GPR137: variants seen among roughly 807,000 people sequenced by gnomAD.
GPR137 encodes integral membrane protein GPR137.
Under a neutral mutation model 38.9 loss-of-function variants are expected in GPR137, and 20 were observed. The ratio of observed to expected loss-of-function variants is 0.51; its 90% CI spans 0.36 to 0.75. GPR137 has a LOEUF of 0.75. Ranked by LOEUF, GPR137 falls within the 30% of genes least tolerant of loss-of-function variation. The probability of loss-of-function intolerance (pLI) is 0.00; values close to 1 mark genes in which losing one functional copy is unlikely to be tolerated. For synonymous variants in GPR137, 226 were observed against 235.8 expected (o/e 0.96, Z 0.38); for missense variants, 456 against 526.4 (o/e 0.87, Z 1.31).
At position 64,278,999 on chromosome 11, in the gene GPR137, G is replaced by A. The variant is rs117645407; in HGVS notation, c.-16+2578G>A. The stretch of plus-strand genomic sequence containing the variant: ...CCTCACCTGGCAGCTGTCTTCTCCC[G>A]CAGCCCTCTTTCCTACGGGTCTGCA... On this transcript the variant is annotated intron_variant, in intron 2 of 2. Coordinates refer to the GPR137 transcript ENST00000538244. Among the ~76,000 whole-genome samples the A allele has an allele frequency of 9.0e-3, 1,372 of 152,266 alleles. 6 individuals are homozygous for A. Among genetic ancestry groups the A allele is most frequent in the Non-Finnish European group, 0.013 (896 of 68,014 alleles).
upstream of GPR137, chr11:64,275,548 T>G (rs1037426825): frequency 3.9e-5 from 6 of 152,188 alleles, no homozygotes; most frequent in African/African-American, 1.4e-4. Context: ...CTGAGGCCTC[T>G]GAGAGTCCCA....
At chr11:64,275,987 AG>A (rs536527377) in intron 1 of GPR137, among the ~76,000 whole-genome samples, 1 of 152,260 alleles carries the variant, frequency 6.6e-6, no homozygotes, top group South Asian at 2.1e-4. Context: ...TCACTGATCT[AG>A]TAGGTAGCAG....
chr11:64,285,710 C>T, upstream of GPR137: 1 of 985,346 alleles, frequency 1.0e-6, no homozygotes, highest in Non-Finnish European at 1.2e-6. Context: ...TAACCCCGGG[C>T]GCCCGCCAGC....
In GPR137 at chr11:64,286,453, C is replaced by A. The variant is rs1322928350; in HGVS notation, c.-72C>A. On this transcript the variant is annotated 5_prime_UTR_variant, in exon 1 of 7. Coordinates refer to ENST00000438980, the MANE Select transcript of GPR137 (RefSeq NM_001170880.2). ...CTGCACCCTGCAATTCCCACCCCTC[C>A]GTATTTATTTCCCTGGTCCCGCCGA... 1.9e-6 allele frequency: 3 copies of A among 1,545,634 alleles called. No homozygotes were observed. The highest frequency in any genetic ancestry group is 2.6e-6 in the Non-Finnish European group (3 of 1,145,730).
Position 64,286,770 on chromosome 11 carries a change from A to G in GPR137, c.246A>G (p.Arg82=). Reference sequence around the variant, plus strand: ...CCACCCTCTTCTCCTTCTACTTCCGAGATACTCCCCGCGCCAACCGCCTGG... The same window carrying G: ...CCACCCTCTTCTCCTTCTACTTCCGGGATACTCCCCGCGCCAACCGCCTGG... The part of the protein sequence containing the change: ...LRTTLFSFYF[R]DTPRANRLGP... Residue 82 remains arginine, a synonymous_variant, in exon 1 of 7, where the codon CGA becomes CGG. Coordinates refer to ENST00000438980, the MANE Select transcript of GPR137 (RefSeq NM_001170880.2). 1 of 1,610,934 alleles carries G rather than the reference A, an allele frequency of 6.2e-7. No homozygotes were observed. Among genetic ancestry groups the G allele is most frequent in the Non-Finnish European group, 8.5e-7 (1 of 1,178,232 alleles).
upstream of GPR137, chr11:64,284,059 T>G (rs1174541829): frequency 5.0e-6 from 6 of 1,192,994 alleles, no homozygotes; most frequent in Non-Finnish European, 5.8e-6. Flanking sequence ...AAGAGGAAAC[T>G]GGGGCTCTGA....
chr11:64,286,354 C>T lies in GPR137; in HGVS notation c.-171C>T. 1 of 1,415,534 alleles carries T rather than the reference C, an allele frequency of 7.1e-7. No individual in the cohort carries two copies. The highest frequency in any genetic ancestry group is 9.2e-7 in the Non-Finnish European group (1 of 1,091,106). The allele number at this position is 1,415,534 out of a possible 1,614,324, so 87.7% of individuals were successfully genotyped here. A position where few individuals can be genotyped will look rare whatever the true frequency, so the allele number is the denominator to read the frequency against. On this transcript the variant is annotated 5_prime_UTR_variant, in exon 1 of 7. An upstream open reading frame in the 5' UTR gains an earlier in-frame stop. Transcript: ENST00000438980. ...CCAGGCTGCCTGTGTTCCCCAAGGG[C>T]AAGGGTCTCTCTGTTGAGGAGGAGG...
At chr11:64,271,296 TCA>T (rs1176064923), upstream of GPR137, among the ~76,000 whole-genome samples, 5 of 2,268 alleles carry the variant, frequency 2.2e-3, 1 homozygote, top group African/African-American at 8.1e-3. Flanking sequence ...CCTGTGACTC[TCA>T]CACACACACA....
chr11:64,286,703 C>CGGT lies in GPR137; in HGVS notation c.181_183dup (p.Val61dup), dbSNP rs757204085. 6.2e-7 allele frequency: 1 copy of CGGT among 1,613,724 alleles called. No homozygotes were observed. The highest frequency in any genetic ancestry group is 8.5e-7 in the Non-Finnish European group (1 of 1,179,772). On this transcript the variant is annotated inframe_insertion, in exon 1 of 7. Coordinates refer to ENST00000438980, the MANE Select transcript of GPR137 (RefSeq NM_001170880.2). ...GGGCACAAGCGTCTCAGCTATCAGA[C>CGGT]GGTGTTCCTGGCCCTCTGTCTGCTC... is the stretch of plus-strand genomic sequence containing the variant.
upstream of GPR137, among the ~76,000 whole-genome samples, chr11:64,282,086 T>A (rs1034100523): frequency 4.6e-5 from 7 of 152,126 alleles, no homozygotes; most frequent in Non-Finnish European, 7.4e-5. Flanking sequence ...CTTTTGTGCT[T>A]GTTTGCTCAT....
intron 2 of GPR137, among the ~76,000 whole-genome samples, chr11:64,279,274 CGAT>C (rs1481962593): frequency 6.6e-6 from 1 of 151,980 alleles, no homozygotes; most frequent in Non-Finnish European, 1.5e-5. Context: ...CCAACTCCAA[CGAT>C]GCTGCGGCTT....
rs1591197975 is a variant in GPR137 at position 64,286,152 on chromosome 11, C to T, written c.-373C>T. 2 of 1,034,424 alleles carry T rather than the reference C, an allele frequency of 1.9e-6. No homozygotes were observed. Among genetic ancestry groups the T allele is most frequent in the South Asian group, 4.4e-5 (1 of 22,686 alleles). 64.1% of individuals were successfully genotyped at this position (1,034,424 alleles called of 1,614,324 possible). A position where few individuals can be genotyped will look rare whatever the true frequency, so the allele number is the denominator to read the frequency against. On this transcript the variant is annotated 5_prime_UTR_variant, in exon 1 of 7. Coordinates refer to ENST00000438980, the MANE Select transcript of GPR137 (RefSeq NM_001170880.2). ...CCCGACGGGTATCAGCCGGCTCTCC[C>T]CCTCCACCCAGGACGACATGAACGA... is the stretch of plus-strand genomic sequence containing the variant.
At chr11:64,271,912 CA>C (rs2032658393), upstream of GPR137, 6 of 920,000 alleles carry the variant, frequency 6.5e-6, no homozygotes, top group Non-Finnish European at 8.6e-6. Context: ...GTGGGTCTTC[CA>C]GGGGCGCATC....
chr11:64,284,301 C>A, upstream of GPR137: 2 of 1,612,196 alleles, frequency 1.2e-6, no homozygotes, highest in Admixed American at 3.3e-5. Flanking sequence ...GGGGCTGGGG[C>A]CCAGGCCCCT....
At chr11:64,271,855 C>G (rs1194970750), upstream of GPR137, 7 of 1,310,202 alleles carry the variant, frequency 5.3e-6, no homozygotes, top group Non-Finnish European at 6.8e-6. Context: ...CTCCTCTAAG[C>G]CCCTGGCCCT....
upstream of GPR137, chr11:64,272,004 A>G: frequency 2.4e-6 from 1 of 412,506 alleles, no homozygotes; most frequent in Non-Finnish European, 4.2e-6. Flanking sequence ...ATTTAGGTTA[A>G]CTTCTCATTA....
chr11:64,285,450 C>G, upstream of GPR137: 1 of 983,942 alleles, frequency 1.0e-6, no homozygotes, highest in Non-Finnish European at 1.2e-6. Context: ...TCCGCGGGTT[C>G]AGGCCCGGGG....
chr11:64,286,308 C>G lies in GPR137; in HGVS notation c.-217C>G, dbSNP rs2034039623. 7.1e-7 allele frequency: 1 copy of G among 1,403,196 alleles called. No homozygotes were observed. Among genetic ancestry groups the G allele is most frequent in the East Asian group, 2.6e-5 (1 of 38,378 alleles). The allele number at this position is 1,403,196 out of a possible 1,614,324, so 86.9% of individuals were successfully genotyped here. ...AGAAAAGAGACTGCCCTTCCATGCCCCTGAGTGAGGGGCCTGGGGCCCAGG... is the reference window on the plus strand; with the variant it reads ...AGAAAAGAGACTGCCCTTCCATGCCGCTGAGTGAGGGGCCTGGGGCCCAGG... On this transcript the variant is annotated 5_prime_UTR_variant, in exon 1 of 7. Transcript: ENST00000438980.
At chr11:64,275,159 G>C (rs562830709), upstream of GPR137, among the ~76,000 whole-genome samples, 1 of 151,932 alleles carries the variant, frequency 6.6e-6, no homozygotes, top group Non-Finnish European at 1.5e-5. Flanking sequence ...CTGGAGGAGT[G>C]AGGTGGCAGT....
Sources: allele counts gnomAD v4.1 joint callset (sites outside exome capture counted in the v4.1 genomes callset), GRCh38; gene constraint gnomAD v4.1.1; transcripts MANE v1.5; gene names NCBI Gene and HGNC (gene_info 2026-07-23, HGNC 2026-07-21).